The following SYMPK variants were observed in gnomAD, a reference collection of about 807,000 sequenced individuals.
SYMPK encodes symplekin scaffold protein, also known as symplekin.
SYMPK carries 49 observed loss-of-function variants against 136.4 expected under a neutral mutation model. That is an observed-to-expected ratio of 0.36 (90% CI 0.29 to 0.46). The LOEUF is 0.46. SYMPK is among the 20% of genes least tolerant of loss of function. The probability of loss-of-function intolerance (pLI) is 1.00; values close to 1 mark genes in which losing one functional copy is unlikely to be tolerated. For synonymous variants in SYMPK, 766 were observed against 713.0 expected (o/e 1.07, Z -1.19); for missense variants, 1,365 against 1,690.0 (o/e 0.81, Z 3.37).
intron 18 of SYMPK, 130 bp from the exon 19 acceptor site, chr19:45,824,005 C>T (rs981479702): frequency 6.7e-6 from 3 of 446,832 alleles, no homozygotes; most frequent in Non-Finnish European, 1.3e-5. Flanking sequence ...GTTTGGAGGG[C>T]GGGGGAAAGG....
At chr19:45,837,277 A>G (rs765326560) in intron 10 of SYMPK, among the ~76,000 whole-genome samples, 1 of 151,360 alleles carries the variant, frequency 6.6e-6, no homozygotes, top group Non-Finnish European at 1.5e-5. Context: ...TTGATGAGCA[A>G]CTTCATGGCA....
At chr19:45,839,566 G>A (rs964858960) in intron 9 of SYMPK, among the ~76,000 whole-genome samples, 6 of 151,990 alleles carry the variant, frequency 3.9e-5, no homozygotes, top group African/African-American at 1.2e-4. Flanking sequence ...ACTGGGTGAG[G>A]CTGGGCGCAG....
intron 11 of SYMPK, among the ~76,000 whole-genome samples, chr19:45,832,968 G>A (rs1035270782): frequency 2.0e-5 from 3 of 149,802 alleles, no homozygotes; most frequent in East Asian, 3.9e-4. Flanking sequence ...GCGGTGAGCC[G>A]AGATCATGCC....
intron 5 of SYMPK, among the ~76,000 whole-genome samples, chr19:45,851,041 G>A (rs1470683849): frequency 6.6e-6 from 1 of 152,080 alleles, no homozygotes; most frequent in Non-Finnish European, 1.5e-5. Flanking sequence ...GAGACAGAGA[G>A]GATCAGAAGT....
At chr19:45,816,719 C>A (rs971424176) in intron 24 of SYMPK, 79 bp downstream of exon 24, 1 of 1,487,488 alleles carries the variant, frequency 6.7e-7, no homozygotes. Flanking sequence ...CCAGTCCCCA[C>A]CAACCAGAGG....
In SYMPK at chr19:45,847,905, C is replaced by T. The variant is rs774304116; in HGVS notation, c.523G>A (p.Asp175Asn). ...AGDIILLLDS[D>N]NDGIRTHAIK... The stretch of plus-strand genomic sequence containing the variant: ...GCGTGGGTGCGGATGCCGTCATTGT[C>T]AGAGTCCAATAGCAGGATGATGTCC... The change falls in exon 7 of 27, where the codon GAC becomes AAC. Residue 175 changes from aspartate (D) to asparagine (N), a missense_variant. Transcript: ENST00000245934. 1.2e-6 allele frequency: 2 copies of T among 1,613,946 alleles called. No individual in the cohort carries two copies. The highest frequency in any genetic ancestry group is 1.3e-5 in the African/African-American group (1 of 75,006).
rs760198127 is a variant in SYMPK at position 45,828,938 on chromosome 19, G to C, written c.1985+32C>G. ...CAGCACCAGGAGAGGAAGCCTCTCG[G>C]GGACAGGAGGGTGCAGGGTCAGCCC... On this transcript the variant is annotated intron_variant, in intron 14 of 26. Transcript: ENST00000245934. 9 of 1,599,488 alleles carry C rather than the reference G, an allele frequency of 5.6e-6. No homozygotes were observed. In the African/African-American group the frequency reaches 1.2e-4, roughly 21 times the overall value.
At position 45,848,130 on chromosome 19, in the gene SYMPK, C is replaced by T. The variant is rs185895436; in HGVS notation, c.427-129G>A. The T allele has an allele frequency of 7.6e-5, 94 of 1,229,138 alleles. 1 individual carries two copies. The East Asian group carries it at 2.3e-3, about 30-fold the overall frequency. 76.1% of individuals were successfully genotyped at this position (1,229,138 alleles called of 1,614,324 possible). ...AATACATTCATTTGGTTAACAGTTACTGAGTTCCAACTCTGCCCCAGCCCA... is the reference window on the plus strand; with the variant it reads ...AATACATTCATTTGGTTAACAGTTATTGAGTTCCAACTCTGCCCCAGCCCA... On this transcript the variant is annotated intron_variant, in intron 6 of 26. Transcript: ENST00000245934.
chr19:45,836,565 A>C (rs1161663239), intron 10 of SYMPK, among the ~76,000 whole-genome samples: 1 of 151,578 alleles, frequency 6.6e-6, no homozygotes, highest in Non-Finnish European at 1.5e-5. Context: ...CGGGAGGCGG[A>C]GCTTACAGTG....
At chr19:45,845,816 C>A (rs1971546224) in intron 7 of SYMPK, among the ~76,000 whole-genome samples, 1 of 152,186 alleles carries the variant, frequency 6.6e-6, no homozygotes, top group Admixed American at 6.6e-5. Context: ...GACATTCTCA[C>A]CAACAGTGTA....
intron 11 of SYMPK, among the ~76,000 whole-genome samples, chr19:45,834,625 G>C (rs1600509629): frequency 6.6e-6 from 1 of 152,216 alleles, no homozygotes; most frequent in East Asian, 1.9e-4. Flanking sequence ...TCTGAAATCT[G>C]AAACACTTCT....
chr19:45,853,674 C>T (rs766630019), intron 3 of SYMPK, among the ~76,000 whole-genome samples: 3 of 152,028 alleles, frequency 2.0e-5, no homozygotes, highest in Non-Finnish European at 4.4e-5. Flanking sequence ...CTCCTTTTAT[C>T]CTCCATGGCT....
At chr19:45,856,416 T>A (rs935470999) in intron 1 of SYMPK, among the ~76,000 whole-genome samples, 1 of 152,076 alleles carries the variant, frequency 6.6e-6, no homozygotes, top group African/African-American at 2.4e-5. Context: ...GGACAATACA[T>A]GCAGTTCAAG....
intron 25 of SYMPK, 111 bp downstream of exon 25, chr19:45,816,371 A>AG: frequency 7.1e-7 from 1 of 1,399,188 alleles, no homozygotes; most frequent in Non-Finnish European, 9.5e-7. Flanking sequence ...GCCCAGAGGC[A>AG]GGGGTGGCCT....
rs780545780 is a variant in SYMPK, at chr19:45,830,127, T to A, written c.1676A>T (p.Glu559Val). 8.8e-6 allele frequency: 14 copies of A among 1,599,412 alleles called. No homozygotes were observed. The Middle Eastern group carries it at 6.6e-4, about 76-fold the overall frequency. Residue 559 changes from glutamate to valine, a missense_variant, in exon 13 of 27, where the codon GAA becomes GTA. Around this residue, in one of 11 missense-constraint regions of SYMPK, gnomAD observed 303 missense variants for 326.6 expected, o/e 0.93. Transcript: ENST00000245934. Reference protein sequence around the residue: ...VLKPLTDAQVEAMKLGAVKRI... With the variant: ...VLKPLTDAQVVAMKLGAVKRI... ...CTTCACAGCGCCCAGCTTCATGGCT[T>A]CCACCTGGGCATCGGTAAGGGGCTT...
rs1002936309 is a variant in SYMPK at position 45,817,180 on chromosome 19, G to T, written c.3082-206C>A. On this transcript the variant is annotated intron_variant, in intron 23 of 26. Transcript: ENST00000245934. ...TGGACCACGAGGGCAACTTGGGAAG[G>T]GGGTGGAAGAAAACTCAGCCGCCTT... The T allele has an allele frequency of 1.5e-5, 8 of 548,162 alleles. No individual in the cohort carries two copies. In the East Asian group the frequency reaches 2.0e-4, roughly 14 times the overall value. 34.0% of individuals were successfully genotyped at this position (548,162 alleles called of 1,614,324 possible).
chr19:45,817,025 C>G, intron 23 of SYMPK, 51 bp from the exon 24 acceptor site: 1 of 1,517,402 alleles, frequency 6.6e-7, no homozygotes. Context: ...GGCATCCCCC[C>G]GAGCCTTGAC....
intron 23 of SYMPK, among the ~76,000 whole-genome samples, chr19:45,817,415 C>CTTTTTTTTTTTTTTTTTTTT (rs1568605953): frequency 4.0e-5 from 4 of 100,174 alleles, no homozygotes; most frequent in African/African-American, 1.6e-4. Flanking sequence ...TTTTTTTGTT[C>CTTTTTTTTTTTTTTTTTTTT]TCTTTTTTTT....
In SYMPK at chr19:45,830,095, G is replaced by A. The variant is rs539502585; in HGVS notation, c.1708C>T (p.Leu570=). ...CAGGCCACAGCCTTCTCAGCCCGCA[G>A]GATCCGCTTCACAGCGCCCAGCTTC... ...AMKLGAVKRI[L]RAEKAVACSG... is the part of the protein sequence containing the mutation. The change falls in exon 13 of 27, where the codon CTG becomes TTG. Residue 570 remains leucine (L), a synonymous_variant. Coordinates refer to ENST00000245934, the MANE Select transcript of SYMPK (RefSeq NM_004819.3). 6.4e-7 allele frequency: 1 copy of A among 1,570,748 alleles called. No homozygotes were observed. The highest frequency in any genetic ancestry group is 8.6e-7 in the Non-Finnish European group (1 of 1,156,342).
Sources: allele counts gnomAD v4.1 joint callset (sites outside exome capture counted in the v4.1 genomes callset), GRCh38; gene constraint gnomAD v4.1.1; regional missense constraint gnomAD v4.1.1; transcripts MANE v1.5; gene names NCBI Gene and HGNC (gene_info 2026-07-23, HGNC 2026-07-21).